Variants in PLXDC1 observed in about 807,000 individuals in gnomAD.
PLXDC1 encodes the protein plexin domain containing 1.
In PLXDC1, 39 loss-of-function variants were observed where a neutral mutation model predicts 61.3. The observed-to-expected ratio is 0.64, with a 90% CI of 0.49 to 0.83. PLXDC1 has a LOEUF of 0.83. Ranked by LOEUF, PLXDC1 falls within the 40% of genes least tolerant of loss-of-function variation. PLXDC1 has a pLI of 0.00. For missense variants in PLXDC1, 596 were observed against 666.5 expected (o/e 0.89, Z 1.17); for synonymous variants, 212 against 254.5 (o/e 0.83, Z 1.59).
chr17:39,105,196 G>C (rs1310963988), intron 7 of PLXDC1, among the ~76,000 whole-genome samples: 1 of 152,226 alleles, frequency 6.6e-6, no homozygotes, highest in Non-Finnish European at 1.5e-5. Context: ...AAAAGTCTCT[G>C]AGACAAGGGT....
intron 7 of PLXDC1, 44 bp from the exon 8 acceptor site, chr17:39,087,746 A>G (rs772013563): frequency 6.9e-6 from 10 of 1,455,544 alleles, no homozygotes; most frequent in Non-Finnish European, 9.6e-6. Flanking sequence ...TATCACAGGC[A>G]GAGGGCATCG....
chr17:39,105,850 T>G lies in PLXDC1; in HGVS notation c.811+4A>C. 6.2e-7 allele frequency: 1 copy of G among 1,604,700 alleles called. No homozygotes were observed. The highest frequency in any genetic ancestry group is 8.5e-7 in the Non-Finnish European group (1 of 1,171,882). On this transcript the variant is annotated splice_donor_region_variant and intron_variant, in intron 7 of 13. Coordinates refer to ENST00000315392, the MANE Select transcript of PLXDC1 (RefSeq NM_020405.5). ...AGGCCTCTGCGGGGTCCCTGAAGAC[T>G]CACCTGGCACATCCGGGGATGGATT...
chr17:39,151,215 G>T lies in PLXDC1; in HGVS notation c.76+147C>A. 1 of 533,036 alleles carries T rather than the reference G, an allele frequency of 1.9e-6. No homozygotes were observed. Among genetic ancestry groups the T allele is most frequent in the Non-Finnish European group, 2.9e-6 (1 of 349,340 alleles). 33.0% of individuals were successfully genotyped at this position (533,036 alleles called of 1,614,324 possible). On this transcript the variant is annotated intron_variant, in intron 1 of 13. Transcript: ENST00000315392. This position sits in a 1 kb window ranked among gnomAD's most constrained non-coding sequence, Gnocchi z 5.2. The stretch of plus-strand genomic sequence containing the variant: ...GGGAAAGTGGGGTCCCTATCCACCT[G>T]CCCACAGCCCACAGCTCTCCTGGCC...
At chr17:39,108,362 CCT>C (rs1910670691) in intron 4 of PLXDC1, 117 bp from the exon 5 acceptor site, 1 of 1,069,760 alleles carries the variant, frequency 9.3e-7, no homozygotes, top group East Asian at 2.4e-5. Context: ...GAGCCTGAGA[CCT>C]CTGTCGCCCA....
At chr17:39,134,628 A>AAT (rs1485483311) in intron 2 of PLXDC1, among the ~76,000 whole-genome samples, 6 of 139,664 alleles carry the variant, frequency 4.3e-5, no homozygotes, top group African/African-American at 1.7e-4. Context: ...TTTGTCTCTA[A>AAT]AAAAAAAAAA....
chr17:39,068,165 G>A (rs865876342), intron 13 of PLXDC1, among the ~76,000 whole-genome samples: 2 of 152,202 alleles, frequency 1.3e-5, no homozygotes, highest in South Asian at 2.1e-4. Context: ...GAAACCTGCC[G>A]AAAGCTAGAG....
intron 2 of PLXDC1, among the ~76,000 whole-genome samples, chr17:39,131,163 G>T (rs1285308707): frequency 2.0e-5 from 3 of 152,076 alleles, no homozygotes; most frequent in Non-Finnish European, 4.4e-5. Context: ...GGCTTGGAGG[G>T]GCTCTAAATG....
intron 2 of PLXDC1, among the ~76,000 whole-genome samples, chr17:39,132,544 G>A (rs77926971): frequency 0.02 from 3,096 of 152,296 alleles, 104 homozygotes; most frequent in African/African-American, 0.071. Flanking sequence ...CAGGGTCCTC[G>A]GAGCTGCCAG....
At chr17:39,107,073 C>T (rs1425924002) in intron 6 of PLXDC1, among the ~76,000 whole-genome samples, 2 of 152,198 alleles carry the variant, frequency 1.3e-5, no homozygotes, top group African/African-American at 4.8e-5. Flanking sequence ...GCTTCCTGAA[C>T]TCGTATTTAT....
At chr17:39,101,705 T>C (rs1003659402) in intron 7 of PLXDC1, among the ~76,000 whole-genome samples, 28 of 152,264 alleles carry the variant, frequency 1.8e-4, no homozygotes, top group Admixed American at 5.9e-4. Context: ...GGGACCACCC[T>C]AGTTATGCTG....
chr17:39,083,972 G>T (rs1293113680), intron 8 of PLXDC1, among the ~76,000 whole-genome samples: 1 of 152,120 alleles, frequency 6.6e-6, no homozygotes, highest in Admixed American at 6.6e-5. Flanking sequence ...GGGTGCTGGG[G>T]ATTCAGCAGT....
chr17:39,067,591 A>T lies in PLXDC1; in HGVS notation c.*249T>A. 1 of 424,672 alleles carries T rather than the reference A, an allele frequency of 2.4e-6. No homozygotes were observed. The highest frequency in any genetic ancestry group is 4.2e-6 in the Non-Finnish European group (1 of 236,294). 26.3% of individuals were successfully genotyped at this position (424,672 alleles called of 1,614,324 possible). A position where few individuals can be genotyped will look rare whatever the true frequency, so the allele number is the denominator to read the frequency against. ...GTTTCATGGTTACAAGACACAGAAG[A>T]GAACCCTTGCATCAAAACAGGATGA... On this transcript the variant is annotated 3_prime_UTR_variant, in exon 14 of 14. Coordinates refer to ENST00000315392, the MANE Select transcript of PLXDC1 (RefSeq NM_020405.5).
At chr17:39,076,269 G>A (rs1290128321) in intron 11 of PLXDC1, among the ~76,000 whole-genome samples, 4 of 151,964 alleles carry the variant, frequency 2.6e-5, no homozygotes, top group Non-Finnish European at 5.9e-5. Flanking sequence ...AGCACTTTTG[G>A]AGGCTGAGGC....
chr17:39,127,722 G>A (rs1911351872), intron 2 of PLXDC1, among the ~76,000 whole-genome samples: 2 of 151,812 alleles, frequency 1.3e-5, no homozygotes, highest in South Asian at 4.2e-4. Flanking sequence ...TTGGGATGCC[G>A]AGGCGGGCGG....
At chr17:39,140,316 C>CTTTTTTTT (rs772766013) in intron 1 of PLXDC1, among the ~76,000 whole-genome samples, 3 of 151,028 alleles carry the variant, frequency 2.0e-5, no homozygotes, top group African/African-American at 7.3e-5. Context: ...TTTTCTTTTT[C>CTTTTTTTT]TTTTTTTGAA....
At chr17:39,070,082 T>C (rs936964562) in intron 12 of PLXDC1, 66 bp from the exon 13 acceptor site, 3 of 1,268,400 alleles carry the variant, frequency 2.4e-6, no homozygotes, top group Admixed American at 3.9e-5. Flanking sequence ...CCATGGGGTC[T>C]TGGGTTCTAA....
At position 39,064,442 on chromosome 17, in the gene PLXDC1, G is replaced by C. The variant is rs58047966; in HGVS notation, c.*3398C>G. 1 of 152,182 alleles carries C rather than the reference G, an allele frequency of 6.6e-6. No individual in the cohort carries two copies. Among genetic ancestry groups the C allele is most frequent in the Non-Finnish European group, 1.5e-5 (1 of 68,046 alleles). 9.4% of individuals were successfully genotyped at this position (152,182 alleles called of 1,614,324 possible). On this transcript the variant is annotated 3_prime_UTR_variant, in exon 14 of 14. Transcript: ENST00000315392. ...TATCAAATTTAGCTGGTTTGCAGGG[G>C]GAGTTCTTTCCCAGTGATGAGTTGG...
chr17:39,102,705 T>TACACACACACACACACAC (rs553513409), intron 7 of PLXDC1, among the ~76,000 whole-genome samples: 97 of 136,136 alleles, frequency 7.1e-4, no homozygotes, highest in African/African-American at 2.6e-3. Flanking sequence ...TGCTATCAAA[T>TACACACACACACACACAC]ACACACACAC....
In PLXDC1 at chr17:39,151,482, C is replaced by T; in HGVS notation, c.-45G>A. ...CCCCGGCCTGCTTGCTGCCCCGGTC[C>T]TGACGAGGGAGGGGGCCCTGGCTCA... On this transcript the variant is annotated 5_prime_UTR_variant, in exon 1 of 14. Transcript: ENST00000315392. This position sits in a 1 kb window ranked among gnomAD's most constrained non-coding sequence, Gnocchi z 5.2. 8.1e-7 allele frequency: 1 copy of T among 1,237,088 alleles called. No individual in the cohort carries two copies. Among genetic ancestry groups the T allele is most frequent in the Non-Finnish European group, 1.0e-6 (1 of 989,778 alleles). 76.6% of individuals were successfully genotyped at this position (1,237,088 alleles called of 1,614,324 possible).
Sources: allele counts gnomAD v4.1 joint callset (sites outside exome capture counted in the v4.1 genomes callset), GRCh38; gene constraint gnomAD v4.1.1; non-coding constraint Gnocchi (gnomAD v3.1); transcripts MANE v1.5; gene names NCBI Gene and HGNC (gene_info 2026-07-23, HGNC 2026-07-21).